CACNA2D3: variants seen among roughly 807,000 people sequenced by gnomAD.
CACNA2D3 encodes the protein calcium voltage-gated channel auxiliary subunit alpha2delta 3.
In CACNA2D3, 60 loss-of-function variants were observed where a neutral mutation model predicts 160.6. The observed-to-expected ratio is 0.37, with a 90% CI of 0.30 to 0.46. CACNA2D3 has a LOEUF of 0.46. CACNA2D3 is among the 20% of genes least tolerant of loss of function. The pLI is 1.00. For synonymous variants in CACNA2D3, 558 were observed against 492.9 expected (o/e 1.13, Z -1.75); for missense variants, 1,205 against 1,365.0 (o/e 0.88, Z 1.85).
At chr3:54,757,987 T>A (rs2107080911) in intron 12 of CACNA2D3, among the ~76,000 whole-genome samples, 1 of 152,300 alleles carries the variant, frequency 6.6e-6, no homozygotes, top group Non-Finnish European at 1.5e-5. Flanking sequence ...TTTGAGGTAA[T>A]CTAGGAAAAG....
intron 2 of CACNA2D3, among the ~76,000 whole-genome samples, chr3:54,218,261 A>AT (rs1701499211): frequency 6.6e-6 from 1 of 152,090 alleles, no homozygotes; most frequent in African/African-American, 2.4e-5. Flanking sequence ...CCTCTTGTGG[A>AT]TAAGGGTGGC....
intron 13 of CACNA2D3, among the ~76,000 whole-genome samples, chr3:54,800,221 G>A (rs984020142): frequency 6.6e-6 from 1 of 152,136 alleles, no homozygotes; most frequent in Non-Finnish European, 1.5e-5. Context: ...AATCTACACT[G>A]CCGCCTTCGA....
chr3:54,640,327 A>G (rs1699487761), intron 10 of CACNA2D3, among the ~76,000 whole-genome samples: 1 of 152,200 alleles, frequency 6.6e-6, no homozygotes, highest in African/African-American at 2.4e-5. Flanking sequence ...ATTTTAATAG[A>G]GAAGGTTTTT....
intron 11 of CACNA2D3, among the ~76,000 whole-genome samples, chr3:54,701,995 CAAGCAATGGGGA>C (rs1700775105): frequency 6.6e-6 from 1 of 152,152 alleles, no homozygotes. Flanking sequence ...TCAACAATAA[CAAGCAATGGGGA>C]AAGGACTCCC....
intron 3 of CACNA2D3, among the ~76,000 whole-genome samples, chr3:54,370,803 A>G (rs1358929588): frequency 6.8e-6 from 1 of 147,014 alleles, no homozygotes; most frequent in Non-Finnish European, 1.5e-5. Context: ...TACCACAATC[A>G]GTTTTAGAAT....
intron 3 of CACNA2D3, among the ~76,000 whole-genome samples, chr3:54,335,699 A>T (rs1274200947): frequency 6.6e-6 from 1 of 152,062 alleles, no homozygotes; most frequent in Non-Finnish European, 1.5e-5. Context: ...TATTTTACCC[A>T]GCCCCTATTT....
At chr3:54,461,402 G>A (rs1346715517) in intron 4 of CACNA2D3, among the ~76,000 whole-genome samples, 1 of 151,028 alleles carries the variant, frequency 6.6e-6, no homozygotes, top group East Asian at 1.9e-4. Context: ...AATCCATCTG[G>A]TCCTGGACTC....
At chr3:54,570,316 A>G (rs1210324973) in intron 8 of CACNA2D3, among the ~76,000 whole-genome samples, 2 of 152,132 alleles carry the variant, frequency 1.3e-5, no homozygotes, top group African/African-American at 4.8e-5. Context: ...GCCTGTCTTA[A>G]CCTACCACAC....
At chr3:55,073,285 A>C (rs1704858199) in intron 35 of CACNA2D3, among the ~76,000 whole-genome samples, 160 bp from the exon 36 acceptor site, 1 of 152,194 alleles carries the variant, frequency 6.6e-6, no homozygotes, top group South Asian at 2.1e-4. Context: ...TTGTAAGTGA[A>C]GAGCCTCATG....
chr3:54,517,840 T>C (rs1701578766), intron 5 of CACNA2D3, among the ~76,000 whole-genome samples: 1 of 152,080 alleles, frequency 6.6e-6, no homozygotes, highest in African/African-American at 2.4e-5. Flanking sequence ...GGAAGCTGGC[T>C]GACAAGGCTT....
intron 4 of CACNA2D3, among the ~76,000 whole-genome samples, chr3:54,450,226 A>G (rs781668518): frequency 2.0e-5 from 3 of 152,176 alleles, no homozygotes; most frequent in Non-Finnish European, 4.4e-5. Context: ...GTTCTAAACG[A>G]TAGAATTCAC....
At chr3:54,852,690 A>T (rs761302893) in intron 17 of CACNA2D3, among the ~76,000 whole-genome samples, 8 of 152,126 alleles carry the variant, frequency 5.3e-5, no homozygotes, top group Non-Finnish European at 1.0e-4. Context: ...AAAGGTTATT[A>T]AATCCATGGA....
At chr3:54,821,719 C>CCT (rs1703606525) in intron 14 of CACNA2D3, among the ~76,000 whole-genome samples, 2 of 63,502 alleles carry the variant, frequency 3.1e-5, no homozygotes, top group African/African-American at 9.5e-5. Context: ...CTTCTTTCCT[C>CCT]TCTCTCTCTC....
intron 2 of CACNA2D3, among the ~76,000 whole-genome samples, chr3:54,178,297 A>G (rs1700713515): frequency 6.6e-6 from 1 of 152,198 alleles, no homozygotes; most frequent in Non-Finnish European, 1.5e-5. Flanking sequence ...GGCTTTAGAT[A>G]CGGCTTCAGC....
intron 27 of CACNA2D3, among the ~76,000 whole-genome samples, chr3:54,938,420 C>A (rs571202160): frequency 2.0e-5 from 3 of 152,328 alleles, no homozygotes; most frequent in African/African-American, 7.2e-5. Flanking sequence ...GTGCTTGAAG[C>A]AGACAGTATT....
At chr3:54,802,409 T>A (rs558973365) in intron 13 of CACNA2D3, among the ~76,000 whole-genome samples, 2 of 152,184 alleles carry the variant, frequency 1.3e-5, no homozygotes, top group African/African-American at 4.8e-5. Flanking sequence ...TGGAGAAATA[T>A]GATGTCCCAT....
chr3:54,561,091 T>C (rs959978008), intron 5 of CACNA2D3, among the ~76,000 whole-genome samples: 12 of 152,250 alleles, frequency 7.9e-5, no homozygotes, highest in Admixed American at 7.2e-4. Context: ...AATTTAAAAA[T>C]AGTTTTTCTA....
intron 29 of CACNA2D3, among the ~76,000 whole-genome samples, chr3:54,975,928 AACACCCCAG>A (rs1446235888): frequency 2.6e-5 from 4 of 152,040 alleles, no homozygotes; most frequent in Non-Finnish European, 1.5e-5. Flanking sequence ...CCACAATAAT[AACACCCCAG>A]ACACTTGGTA....
chr3:54,786,723 A>G (rs540695460), intron 13 of CACNA2D3, among the ~76,000 whole-genome samples: 3 of 152,232 alleles, frequency 2.0e-5, no homozygotes, highest in South Asian at 4.1e-4. Flanking sequence ...GATAAACAGT[A>G]TGTAATTTCA....
Sources: allele counts gnomAD v4.1 joint callset (sites outside exome capture counted in the v4.1 genomes callset), GRCh38; gene constraint gnomAD v4.1.1; transcripts MANE v1.5; gene names NCBI Gene and HGNC (gene_info 2026-07-23, HGNC 2026-07-21).